PAX7: variants seen among roughly 807,000 people sequenced by gnomAD.
The protein encoded by PAX7 is paired box protein Pax-7.
In PAX7, 18 loss-of-function variants were observed where a neutral mutation model predicts 50.7. The ratio of observed to expected loss-of-function variants is 0.36; its 90% CI spans 0.25 to 0.53. The LOEUF (loss-of-function observed/expected upper bound fraction) is 0.53. PAX7 is among the 20% of genes least tolerant of loss of function. The probability of loss-of-function intolerance (pLI) is 0.93; values close to 1 mark genes in which losing one functional copy is unlikely to be tolerated. For synonymous variants in PAX7, 310 were observed against 290.4 expected (o/e 1.07, Z -0.69); for missense variants, 644 against 702.9 (o/e 0.92, Z 0.95).
In PAX7 at chr1:18,744,996, G is replaced by A; in HGVS notation, c.*67G>A. The A allele has an allele frequency of 1.1e-6, 1 of 896,612 alleles. No homozygotes were observed. The highest frequency in any genetic ancestry group is 1.8e-6 in the Non-Finnish European group (1 of 562,874). The allele number at this position is 896,612 out of a possible 1,614,324, so 55.5% of individuals were successfully genotyped here. A position where few individuals can be genotyped will look rare whatever the true frequency, so the allele number is the denominator to read the frequency against. ...CCCTAACTGACCCCTGAGCTTCCCA[G>A]CCTTGCCGCCTCACCCCCCTGTTGT... is the stretch of plus-strand genomic sequence containing the variant. On this transcript the variant is annotated 3_prime_UTR_variant, in exon 9 of 9. Transcript: ENST00000420770.
chr1:18,736,436 G>C (rs1303774338), intron 8 of PAX7, among the ~76,000 whole-genome samples: 3 of 139,838 alleles, frequency 2.1e-5, no homozygotes, highest in African/African-American at 7.9e-5. Context: ...CTGTACTCCA[G>C]CCTGTGTGAC....
chr1:18,707,411 C>CTTT (rs71575894), intron 7 of PAX7, among the ~76,000 whole-genome samples: 24 of 91,226 alleles, frequency 2.6e-4, no homozygotes, highest in Non-Finnish European at 3.4e-4. Context: ...TTCTTTTTTT[C>CTTT]TTTCTTTTTT....
rs180901791 is a variant in PAX7, at chr1:18,700,237, C to T, written c.787-416C>T. On this transcript the variant is annotated intron_variant, in intron 5 of 8. Transcript: ENST00000420770. The surrounding 1 kb of genome is among the most constrained non-coding windows in gnomAD (Gnocchi z 4.8). Reference sequence around the variant, plus strand: ...GTCTCATTCAGGTGGGTTGCAGATGCGTGGCTTCCTCCTGGGGGGCTTCCT... The same window carrying T: ...GTCTCATTCAGGTGGGTTGCAGATGTGTGGCTTCCTCCTGGGGGGCTTCCT... Among the ~76,000 whole-genome samples the T allele has an allele frequency of 6.1e-4, 93 of 152,062 alleles. No homozygotes were observed. The highest frequency in any genetic ancestry group is 1.8e-3 in the African/African-American group (76 of 41,476).
At chr1:18,689,258 G>T (rs2089031857) in intron 4 of PAX7, among the ~76,000 whole-genome samples, 1 of 152,218 alleles carries the variant, frequency 6.6e-6, no homozygotes, top group Non-Finnish European at 1.5e-5. Flanking sequence ...AGAACACTGA[G>T]GTTATGCACT....
chr1:18,709,577 C>T (rs866102830), intron 7 of PAX7, among the ~76,000 whole-genome samples: 6 of 152,316 alleles, frequency 3.9e-5, no homozygotes, highest in South Asian at 2.1e-4. Flanking sequence ...GGCCAGGTCC[C>T]GATGGGCCTG....
At position 18,636,413 on chromosome 1, in the gene PAX7, T is replaced by A. The variant is rs768352056; in HGVS notation, c.586+42T>A. The A allele has an allele frequency of 5.0e-6, 8 of 1,602,294 alleles. No individual in the cohort carries two copies. The East Asian group carries it at 1.8e-4, about 36-fold the overall frequency. ...GGCTGCGAGGCCCCAGCCCGGGTTT[T>A]CCCACGCTCCGGTGTGCGGGCCAGT... On this transcript the variant is annotated intron_variant, in intron 4 of 8. Coordinates refer to ENST00000420770, the MANE Select transcript of PAX7 (RefSeq NM_001135254.2). This position sits in a 1 kb window ranked among gnomAD's most constrained non-coding sequence, Gnocchi z 5.1.
intron 7 of PAX7, among the ~76,000 whole-genome samples, chr1:18,725,528 G>A (rs959896023): frequency 7.2e-5 from 11 of 152,166 alleles, no homozygotes; most frequent in Non-Finnish European, 1.3e-4. Context: ...CATTAGGGCC[G>A]CAGAAGAGGG....
rs1458664904 is a variant in PAX7, at chr1:18,700,686, A to C, written c.820A>C (p.Lys274Gln). 6.3e-7 allele frequency: 1 copy of C among 1,591,682 alleles called. No individual in the cohort carries two copies. The highest frequency in any genetic ancestry group is 8.5e-7 in the Non-Finnish European group (1 of 1,170,086). The change falls in exon 6 of 9, where the codon AAG becomes CAG. Residue 274 changes from lysine (K) to glutamine (Q), a missense_variant. Transcript: ENST00000420770. The surrounding 1 kb of genome is among the most constrained non-coding windows in gnomAD (Gnocchi z 4.8). ...WFSNRRARWR[K>Q]QAGANQLAAF... Reference sequence around the variant, plus strand: ...CAGTAACCGCCGCGCCCGTTGGCGTAAGCAGGCAGGAGCCAACCAGCTGGC... The same window carrying C: ...CAGTAACCGCCGCGCCCGTTGGCGTCAGCAGGCAGGAGCCAACCAGCTGGC...
intron 7 of PAX7, among the ~76,000 whole-genome samples, chr1:18,713,278 A>G (rs2089378369): frequency 6.6e-6 from 1 of 152,078 alleles, no homozygotes. Flanking sequence ...GTTTCCACAC[A>G]CCACTGTTGT....
Position 18,631,384 on chromosome 1 carries a change from C to G in PAX7, c.-220C>G. On this transcript the variant is annotated 5_prime_UTR_variant, in exon 1 of 9. Transcript: ENST00000420770. ...TCGTCGTCGCCACCTTCCCTCCCCC[C>G]AACCTCCACCCCACCTCACCCCCCT... 1 of 555,850 alleles carries G rather than the reference C, an allele frequency of 1.8e-6. No homozygotes were observed. The highest frequency in any genetic ancestry group is 3.1e-5 in the Admixed American group (1 of 32,614). 34.4% of individuals were successfully genotyped at this position (555,850 alleles called of 1,614,324 possible). A position where few individuals can be genotyped will look rare whatever the true frequency, so the allele number is the denominator to read the frequency against.
chr1:18,658,311 C>T (rs547356959), intron 4 of PAX7, among the ~76,000 whole-genome samples: 29 of 148,650 alleles, frequency 2.0e-4, no homozygotes, highest in Admixed American at 3.4e-4. Context: ...GCTGTGTCTT[C>T]GAGGGACCCC....
chr1:18,720,813 A>T (rs966585120), intron 7 of PAX7, among the ~76,000 whole-genome samples: 2 of 151,878 alleles, frequency 1.3e-5, no homozygotes, highest in African/African-American at 4.8e-5. Flanking sequence ...AGGCAGGGGC[A>T]TATACAAGGG....
rs529278622 is a variant in PAX7, at chr1:18,692,216, G to A, written c.786+263G>A. 1.1e-4 allele frequency among the ~76,000 whole-genome samples: 17 copies of A among 152,234 alleles called. No homozygotes were observed. In the South Asian group the frequency reaches 3.1e-3, roughly 28 times the overall value. ...AAGGGGGGAAGAAAAGGAAGAAGGT[G>A]GAAGGGAAAGAAGGACAAAAGAAGG... On this transcript the variant is annotated intron_variant, in intron 5 of 8. Transcript: ENST00000420770.
chr1:18,683,840 A>AAATAATAAT (rs112435145), intron 4 of PAX7, among the ~76,000 whole-genome samples: 2 of 152,014 alleles, frequency 1.3e-5, no homozygotes, highest in African/African-American at 4.8e-5. Flanking sequence ...ACTGTCTCAA[A>AAATAATAAT]AATAATAATA....
intron 7 of PAX7, among the ~76,000 whole-genome samples, chr1:18,709,216 C>T (rs1570206173): frequency 6.6e-6 from 1 of 152,130 alleles, no homozygotes; most frequent in South Asian, 2.1e-4. Context: ...GTTGGGTTAG[C>T]GGCATCCTTG....
intron 4 of PAX7, among the ~76,000 whole-genome samples, chr1:18,659,581 C>G (rs190750450): frequency 6.6e-6 from 1 of 152,282 alleles, no homozygotes; most frequent in East Asian, 1.9e-4. Context: ...TACTCACCTT[C>G]CCTGGTGGTT....
intron 4 of PAX7, among the ~76,000 whole-genome samples, chr1:18,643,148 G>T (rs923675904): frequency 6.6e-6 from 1 of 152,216 alleles, no homozygotes; most frequent in African/African-American, 2.4e-5. Context: ...ATTCTAGGGC[G>T]CCTTGGGCAC....
intron 4 of PAX7, among the ~76,000 whole-genome samples, chr1:18,659,816 C>G (rs1186458016): frequency 6.6e-6 from 1 of 152,180 alleles, no homozygotes. Context: ...ACCCTACCCC[C>G]TGGCGTGTAA....
chr1:18,716,939 C>T (rs574092833), intron 7 of PAX7, among the ~76,000 whole-genome samples: 1 of 150,252 alleles, frequency 6.7e-6, no homozygotes, highest in Admixed American at 6.6e-5. Flanking sequence ...CGCGGGCTCC[C>T]GAGGCCGGGC....
Sources: allele counts gnomAD v4.1 joint callset (sites outside exome capture counted in the v4.1 genomes callset), GRCh38; gene constraint gnomAD v4.1.1; non-coding constraint Gnocchi (gnomAD v3.1); transcripts MANE v1.5; gene names NCBI Gene and HGNC (gene_info 2026-07-23, HGNC 2026-07-21).